COL14A1: variants seen among roughly 807,000 people sequenced by gnomAD.
COL14A1 encodes collagen type XIV alpha 1 chain, also known as collagen alpha-1(XIV) chain.
In COL14A1, 136 loss-of-function variants were observed where a neutral mutation model predicts 230.3. That is an observed-to-expected ratio of 0.59 (90% CI 0.51 to 0.68). COL14A1 has a LOEUF of 0.68. COL14A1 is among the 30% of genes least tolerant of loss of function. COL14A1 has a pLI of 0.00. For synonymous variants in COL14A1, 792 were observed against 784.1 expected, an observed-to-expected ratio of 1.01 and a Z score of -0.17; for missense variants, 1,976 against 2,215.8, an observed-to-expected ratio of 0.89 and a Z score of 2.17.
At chr8:120,351,298 A>G (rs1212372577) in intron 45 of COL14A1, among the ~76,000 whole-genome samples, 2 of 142,708 alleles carry the variant, frequency 1.4e-5, no homozygotes, top group African/African-American at 5.3e-5. Context: ...AAGATCCAAA[A>G]TTGACACCCT....
intron 14 of COL14A1, among the ~76,000 whole-genome samples, chr8:120,224,586 G>T (rs780087801): frequency 1.3e-5 from 2 of 152,182 alleles, no homozygotes; most frequent in Non-Finnish European, 2.9e-5. Flanking sequence ...CCCCAAAGAA[G>T]TTGGAAAATA....
intron 42 of COL14A1, among the ~76,000 whole-genome samples, chr8:120,340,254 A>G (rs1267744242): frequency 2.0e-5 from 3 of 152,120 alleles, no homozygotes; most frequent in Non-Finnish European, 4.4e-5. Flanking sequence ...TTCCATCTTC[A>G]GTGACAGCAC....
chr8:120,370,569 A>G, intron 47 of COL14A1: 1 of 1,458,794 alleles, frequency 6.9e-7, no homozygotes, highest in South Asian at 1.4e-5. Context: ...TAACATCGGA[A>G]CTTAACCAAA....
chr8:120,260,038 A>C (rs1280495171), intron 23 of COL14A1, among the ~76,000 whole-genome samples: 2 of 152,182 alleles, frequency 1.3e-5, no homozygotes, highest in Non-Finnish European at 2.9e-5. Flanking sequence ...CAATTTTTAA[A>C]TGTTATCATT....
intron 15 of COL14A1, among the ~76,000 whole-genome samples, chr8:120,225,869 G>A (rs1818078395): frequency 6.6e-6 from 1 of 151,994 alleles, no homozygotes. Flanking sequence ...TTTGGAGACA[G>A]ATGAAAAAGA....
intron 5 of COL14A1, among the ~76,000 whole-genome samples, chr8:120,192,357 A>G (rs1816857737): frequency 6.6e-6 from 1 of 152,140 alleles, no homozygotes; most frequent in Non-Finnish European, 1.5e-5. Context: ...TTTCTTTAAG[A>G]ATGTTGAATA....
Position 120,231,588 on chromosome 8 carries a change from AG to A in COL14A1, c.2323del (p.Asp775ThrfsTer7). On this transcript the variant is annotated frameshift_variant, in exon 19 of 48. Coordinates refer to ENST00000297848, the MANE Select transcript of COL14A1 (RefSeq NM_021110.4). LOFTEE classifies it high-confidence loss of function. ...TTAGGGTGACCTACATGACAGCTCA[AG>A]GGGACCCTGAGGAAGAAGTCATAGG... ...QFRVTYMTAQ[G>X]DPEEEVIGTV... 6.2e-7 allele frequency: 1 copy of A among 1,613,932 alleles called. No homozygotes were observed. The highest frequency in any genetic ancestry group is 8.5e-7 in the Non-Finnish European group (1 of 1,179,930).
At chr8:120,236,360 C>A (rs914370836) in intron 19 of COL14A1, among the ~76,000 whole-genome samples, 17 of 152,028 alleles carry the variant, frequency 1.1e-4, no homozygotes, top group African/African-American at 4.1e-4. Flanking sequence ...ATCCCTTTAC[C>A]ATTATGTAAT....
Position 120,373,487 on chromosome 8 carries a change from C to T in COL14A1, c.*2256C>T, listed in dbSNP as rs1812224739. ...TCTGAAGTGCATTTTTCTTGACTTA[C>T]TTTGGCAGAAATATACTTATATCTT... On this transcript the variant is annotated 3_prime_UTR_variant, in exon 48 of 48. Coordinates refer to ENST00000297848, the MANE Select transcript of COL14A1 (RefSeq NM_021110.4). 6.6e-6 allele frequency among the ~76,000 whole-genome samples: 1 copy of T among 152,178 alleles called. No homozygotes were observed. Among genetic ancestry groups the T allele is most frequent in the Non-Finnish European group, 1.5e-5 (1 of 68,026 alleles).
intron 40 of COL14A1, among the ~76,000 whole-genome samples, chr8:120,328,465 C>G (rs1821760949): frequency 6.6e-6 from 1 of 151,306 alleles, no homozygotes; most frequent in Non-Finnish European, 1.5e-5. Context: ...CTCCTGGGCT[C>G]AAGCGATCCT....
intron 24 of COL14A1, among the ~76,000 whole-genome samples, chr8:120,264,125 C>T (rs765773361): frequency 9.9e-5 from 15 of 152,134 alleles, no homozygotes; most frequent in Non-Finnish European, 1.5e-4. Context: ...AGTCGATCTC[C>T]TTTCCCACCC....
intron 10 of COL14A1, 82 bp from the exon 11 acceptor site, chr8:120,208,150 C>A: frequency 1.5e-6 from 2 of 1,339,802 alleles, no homozygotes; most frequent in Non-Finnish European, 2.0e-6. Flanking sequence ...AATATTTTTG[C>A]TGGACGTATT....
intron 13 of COL14A1, 122 bp from the exon 14 acceptor site, chr8:120,216,229 T>C (rs1817744460): frequency 2.7e-6 from 2 of 737,162 alleles, no homozygotes; most frequent in African/African-American, 3.6e-5. Flanking sequence ...ATTTCAGTGT[T>C]ATAAGTTATT....
chr8:120,224,297 G>T (rs1036937797), intron 14 of COL14A1, among the ~76,000 whole-genome samples: 13 of 152,084 alleles, frequency 8.5e-5, no homozygotes, highest in Non-Finnish European at 1.5e-4. Flanking sequence ...AAAGTGCTGG[G>T]ATTGCAGGCG....
At chr8:120,219,183 C>T (rs1230017233) in intron 14 of COL14A1, among the ~76,000 whole-genome samples, 3 of 152,038 alleles carry the variant, frequency 2.0e-5, no homozygotes, top group Non-Finnish European at 2.9e-5. Flanking sequence ...GTAGTGTGAT[C>T]GTGGCTCACT....
intron 40 of COL14A1, among the ~76,000 whole-genome samples, chr8:120,319,326 TTTTTA>T (rs916245890): frequency 6.6e-6 from 1 of 151,706 alleles, no homozygotes; most frequent in Non-Finnish European, 1.5e-5. Context: ...CTGGCTAATT[TTTTTA>T]TTTTATTTAT....
At chr8:120,239,049 T>C (rs1818539069) in intron 19 of COL14A1, among the ~76,000 whole-genome samples, 1 of 152,220 alleles carries the variant, frequency 6.6e-6, no homozygotes, top group South Asian at 2.1e-4. Flanking sequence ...GCTGTTCCTA[T>C]TTGGCCATCT....
chr8:120,316,006 T>G lies in COL14A1; in HGVS notation c.4659+9T>G, dbSNP rs1176019321. On this transcript the variant is annotated intron_variant, in intron 40 of 47. Transcript: ENST00000297848. Reference sequence around the variant, plus strand: ...GCTCACCAGGCCAGAGGGTAAGGTCTTGCCCAAGGTTGGTTTTTAGCAAAG... The same window carrying G: ...GCTCACCAGGCCAGAGGGTAAGGTCGTGCCCAAGGTTGGTTTTTAGCAAAG... 3 of 1,613,984 alleles carry G rather than the reference T, an allele frequency of 1.9e-6. No individual in the cohort carries two copies. The highest frequency in any genetic ancestry group is 1.3e-5 in the African/African-American group (1 of 75,054).
chr8:120,286,992 A>T (rs1315100607), intron 33 of COL14A1, among the ~76,000 whole-genome samples: 2 of 152,172 alleles, frequency 1.3e-5, no homozygotes, highest in African/African-American at 2.4e-5. Flanking sequence ...ACGCTGCAGG[A>T]TGAGCAGAAC....
Sources: allele counts gnomAD v4.1 joint callset (sites outside exome capture counted in the v4.1 genomes callset), GRCh38; gene constraint gnomAD v4.1.1; transcripts MANE v1.5; gene names NCBI Gene and HGNC (gene_info 2026-07-23, HGNC 2026-07-21).